RABGAP1L: variants seen among roughly 807,000 people sequenced by gnomAD.
RABGAP1L encodes the protein rab GTPase-activating protein 1-like.
A neutral mutation model predicts 137.7 loss-of-function variants in RABGAP1L; 63 were observed. That is an observed-to-expected ratio of 0.46 (90% CI 0.37 to 0.56). RABGAP1L has a LOEUF of 0.56. Ranked by LOEUF, RABGAP1L falls within the 20% of genes least tolerant of loss-of-function variation. The pLI is 0.00. For synonymous variants in RABGAP1L, 431 were observed against 433.7 expected (o/e 0.99, Z 0.08); for missense variants, 1,095 against 1,244.0 (o/e 0.88, Z 1.80).
chr1:174,540,684 T>A (rs1213641443), intron 13 of RABGAP1L, among the ~76,000 whole-genome samples: 1 of 152,064 alleles, frequency 6.6e-6, no homozygotes, highest in African/African-American at 2.4e-5. Context: ...CCATGCTGTT[T>A]TGGTTACTGT....
Position 174,394,013 on chromosome 1 carries a change from A to G in RABGAP1L, c.1578A>G (p.Ala526=). 6.2e-7 allele frequency: 1 copy of G among 1,613,414 alleles called. No homozygotes were observed. The change falls in exon 13 of 26, where the codon GCA becomes GCG. Residue 526 remains alanine (A), a synonymous_variant. Coordinates refer to ENST00000681986, the MANE Select transcript of RABGAP1L (RefSeq NM_001366446.1). The part of the protein sequence containing the change: ...LLGKWHSNLG[A]RPKGLSTLVK... ...TTCTCAGGCACAGTAACCTTGGTGC[A>G]CGACCGAAAGGGCTGTCTACTCTGG...
intron 16 of RABGAP1L, among the ~76,000 whole-genome samples, chr1:174,701,526 G>C (rs1679648262): frequency 6.6e-6 from 1 of 152,092 alleles, no homozygotes; most frequent in South Asian, 2.1e-4. Context: ...CAGATCACTT[G>C]AGGTCAGGAG....
chr1:174,176,247 A>C (rs567619692), intron 1 of RABGAP1L, among the ~76,000 whole-genome samples: 3 of 152,336 alleles, frequency 2.0e-5, no homozygotes, highest in Non-Finnish European at 2.9e-5. Context: ...AAAATCTTAC[A>C]TCACATTAAT....
At chr1:174,208,347 CT>C (rs1668641190) in intron 1 of RABGAP1L, among the ~76,000 whole-genome samples, 1 of 151,836 alleles carries the variant, frequency 6.6e-6, no homozygotes, top group African/African-American at 2.4e-5. Context: ...TGATTTCTTC[CT>C]TTCCAATCTG....
intron 15 of RABGAP1L, among the ~76,000 whole-genome samples, chr1:174,696,474 G>A (rs1273067731): frequency 6.6e-6 from 1 of 152,162 alleles, no homozygotes; most frequent in Non-Finnish European, 1.5e-5. Context: ...GCCCAGCACA[G>A]CACCAGGACT....
intron 19 of RABGAP1L, chr1:174,875,745 T>C (rs1019881957): frequency 1.0e-6 from 1 of 957,222 alleles, no homozygotes; most frequent in Non-Finnish European, 1.2e-6. Flanking sequence ...TATAATGCCT[T>C]GTCTCCTGAT....
intron 20 of RABGAP1L, among the ~76,000 whole-genome samples, chr1:174,967,247 T>C (rs1026408713): frequency 6.6e-6 from 1 of 151,772 alleles, no homozygotes; most frequent in African/African-American, 2.4e-5. Context: ...CACTGCAGCC[T>C]TGACTTCCTG....
chr1:174,839,609 C>T (rs1174943574), intron 19 of RABGAP1L, among the ~76,000 whole-genome samples: 2 of 152,184 alleles, frequency 1.3e-5, no homozygotes, highest in Non-Finnish European at 2.9e-5. Flanking sequence ...ACTAATAGCA[C>T]ATGTTGGCAT....
At position 174,864,314 on chromosome 1, in the gene RABGAP1L, A is replaced by C. The variant is rs114124087; in HGVS notation, c.2340+52354A>C. Reference sequence around the variant, plus strand: ...CCACTATGACATATAAAGCTGTATTATTATCCAAATCTCAGACCTATTTTC... The same window carrying C: ...CCACTATGACATATAAAGCTGTATTCTTATCCAAATCTCAGACCTATTTTC... On this transcript the variant is annotated intron_variant, in intron 19 of 25. Transcript: ENST00000681986. Among the ~76,000 whole-genome samples, 408 of 152,322 alleles carry C rather than the reference A, an allele frequency of 2.7e-3. 1 individual carries two copies. Among genetic ancestry groups the C allele is most frequent in the African/African-American group, 6.3e-3 (264 of 41,578 alleles).
At chr1:174,238,040 C>G (rs1388219508) in intron 4 of RABGAP1L, among the ~76,000 whole-genome samples, 1 of 151,926 alleles carries the variant, frequency 6.6e-6, no homozygotes, top group African/African-American at 2.4e-5. Flanking sequence ...ATTGCTGATA[C>G]CCTTTCTTCC....
chr1:174,904,969 C>G (rs1366695418), intron 19 of RABGAP1L, among the ~76,000 whole-genome samples: 2 of 152,114 alleles, frequency 1.3e-5, no homozygotes, highest in African/African-American at 4.8e-5. Context: ...GTTCCTTGGA[C>G]AGGAACCTCT....
intron 13 of RABGAP1L, chr1:174,548,668 TG>T: frequency 1.5e-6 from 1 of 679,712 alleles, no homozygotes; most frequent in Non-Finnish European, 1.8e-6. Context: ...CCCCTCATTT[TG>T]CTTAATTATT....
chr1:174,516,120 T>TACACACACACACACACACACAC (rs61414923), intron 13 of RABGAP1L, among the ~76,000 whole-genome samples: 5 of 133,234 alleles, frequency 3.8e-5, no homozygotes, highest in African/African-American at 1.5e-4. Context: ...ACTGAAGCTC[T>TACACACACACACACACACACAC]ACACACACAC....
rs1685243688 is a variant in RABGAP1L at position 174,761,759 on chromosome 1, CCCA to C, written c.2211+9412_2211+9414del. ...TACCAGGAGAACAGCATGGGAAAGA[CCCA>C]CCACCATGATTCAATTACATTCCAC... On this transcript the variant is annotated intron_variant, in intron 18 of 25. Coordinates refer to ENST00000681986, the MANE Select transcript of RABGAP1L (RefSeq NM_001366446.1). This position sits in a 1 kb window ranked among gnomAD's most constrained non-coding sequence, Gnocchi z 4.0. Among the ~76,000 whole-genome samples, 1 of 152,154 alleles carries C rather than the reference CCCA, an allele frequency of 6.6e-6. No homozygotes were observed. Among genetic ancestry groups the C allele is most frequent in the Non-Finnish European group, 1.5e-5 (1 of 68,024 alleles).
At chr1:174,400,144 C>A (rs1166570909) in intron 13 of RABGAP1L, among the ~76,000 whole-genome samples, 3 of 152,156 alleles carry the variant, frequency 2.0e-5, no homozygotes, top group Non-Finnish European at 4.4e-5. Context: ...ATCAATACAT[C>A]AAAGAATGGT....
chr1:174,528,165 A>C (rs1664076955), intron 13 of RABGAP1L, among the ~76,000 whole-genome samples: 1 of 151,788 alleles, frequency 6.6e-6, no homozygotes, highest in African/African-American at 2.4e-5. Flanking sequence ...TTAATATATA[A>C]CATTTTGTTG....
rs765943147 is a variant in RABGAP1L, at chr1:174,448,331, T to G, written c.1710+54186T>G. On this transcript the variant is annotated intron_variant, in intron 13 of 25. Coordinates refer to ENST00000681986, the MANE Select transcript of RABGAP1L (RefSeq NM_001366446.1). The surrounding 1 kb of genome is among the most constrained non-coding windows in gnomAD (Gnocchi z 4.2). ...TCATTGTGCTCCACTGTTACATCATTATACTACCAGCTATTTCATTCAGAC... is the reference window on the plus strand; with the variant it reads ...TCATTGTGCTCCACTGTTACATCATGATACTACCAGCTATTTCATTCAGAC... The G allele has an allele frequency of 6.2e-6, 10 of 1,613,814 alleles. No homozygotes were observed. The highest frequency in any genetic ancestry group is 8.5e-6 in the Non-Finnish European group (10 of 1,179,688).
chr1:174,588,104 G>A (rs577897128), intron 13 of RABGAP1L, among the ~76,000 whole-genome samples: 6 of 152,108 alleles, frequency 3.9e-5, no homozygotes, highest in Admixed American at 1.3e-4. Flanking sequence ...GACCTCAAGT[G>A]ATCCACCCGC....
At position 174,926,821 on chromosome 1, in the gene RABGAP1L, T is replaced by G. The variant is rs559867356; in HGVS notation, c.2341-30636T>G. Reference sequence around the variant, plus strand: ...TGGACATGGTGGCTCACACCTGTAATCCCAGCACTTTGGGAGGCCTAGGCA... The same window carrying G: ...TGGACATGGTGGCTCACACCTGTAAGCCCAGCACTTTGGGAGGCCTAGGCA... On this transcript the variant is annotated intron_variant, in intron 19 of 25. Transcript: ENST00000681986. 2.6e-5 allele frequency among the ~76,000 whole-genome samples: 4 copies of G among 152,196 alleles called. No homozygotes were observed. In the East Asian group the frequency reaches 7.7e-4, roughly 29 times the overall value.
Sources: gnomAD v4.1 joint callset for allele counts (sites outside exome capture counted in the v4.1 genomes callset) on GRCh38, gnomAD v4.1.1 for gene constraint, Gnocchi (gnomAD v3.1) non-coding constraint, MANE v1.5 for transcripts, NCBI Gene and HGNC (gene_info 2026-07-23, HGNC 2026-07-21) for gene names.